Variants in CFDP1 observed in about 807,000 individuals in gnomAD.
CFDP1 encodes chromatin remodeling protein CFDP1, also known as heterochromatin-stabilizing protein CFDP1.
CFDP1 carries 31 observed loss-of-function variants against 40.1 expected under a neutral mutation model. The ratio of observed to expected loss-of-function variants is 0.77; its 90% confidence interval spans 0.58 to 1.04. The LOEUF (loss-of-function observed/expected upper bound fraction) is 1.04, where lower values mean the gene tolerates loss of function less well. CFDP1 is among the 50% of genes least tolerant of loss of function. CFDP1 has a pLI of 0.00. For missense variants in CFDP1, 423 were observed against 343.4 expected (o/e 1.23, Z -1.83); for synonymous variants, 167 against 120.0 (o/e 1.39, Z -2.56).
rs1001426318 is a variant in CFDP1 at position 75,419,029 on chromosome 16, T to G, written c.65-4334A>C. 2.0e-5 allele frequency: 8 copies of G among 394,210 alleles called. No individual in the cohort carries two copies. In the East Asian group the frequency reaches 6.2e-4, roughly 31 times the overall value. The allele number at this position is 394,210 out of a possible 1,614,324, so 24.4% of individuals were successfully genotyped here. ...ATGGTGGCACGCACCTGTAGTTCCA[T>G]CTACTGGGGAGGCTGAGGCAGGAGG... On this transcript the variant is annotated intron_variant, in intron 1 of 6. Transcript: ENST00000283882.
At chr16:75,335,205 G>C (rs2078478046) in intron 5 of CFDP1, among the ~76,000 whole-genome samples, 1 of 152,140 alleles carries the variant, frequency 6.6e-6, no homozygotes, top group African/African-American at 2.4e-5. Context: ...AACGCCCTGA[G>C]GTATCTTGAT....
chr16:75,381,771 A>G (rs148796602), intron 5 of CFDP1, among the ~76,000 whole-genome samples: 1 of 152,284 alleles, frequency 6.6e-6, no homozygotes, highest in East Asian at 1.9e-4. Context: ...GCAAGCAGCA[A>G]GAGATATGGG....
intron 4 of CFDP1, among the ~76,000 whole-genome samples, chr16:75,400,595 C>T (rs533510787): frequency 6.6e-6 from 1 of 152,110 alleles, no homozygotes; most frequent in Non-Finnish European, 1.5e-5. Flanking sequence ...TCCAGCAGAA[C>T]CCATTACTCT....
chr16:75,337,923 A>G (rs2078500958), intron 5 of CFDP1, among the ~76,000 whole-genome samples: 1 of 152,154 alleles, frequency 6.6e-6, no homozygotes, highest in Non-Finnish European at 1.5e-5. Context: ...CCTCTCTTTC[A>G]AGTGACTTCA....
chr16:75,311,842 C>G (rs1469527631), intron 5 of CFDP1, among the ~76,000 whole-genome samples: 1 of 150,468 alleles, frequency 6.6e-6, no homozygotes, highest in African/African-American at 2.5e-5. Context: ...TGGGCTCAAG[C>G]AATCCTCCTG....
chr16:75,413,807 T>C (rs1341202365), intron 2 of CFDP1, among the ~76,000 whole-genome samples: 1 of 152,218 alleles, frequency 6.6e-6, no homozygotes, highest in Non-Finnish European at 1.5e-5. Context: ...TTCATAATTT[T>C]CATGGGAAAA....
chr16:75,297,968 C>T (rs994966150), intron 6 of CFDP1, among the ~76,000 whole-genome samples: 28 of 152,278 alleles, frequency 1.8e-4, no homozygotes, highest in African/African-American at 6.3e-4. Flanking sequence ...CTGAAGTCCT[C>T]CAAAACCAGA....
intron 5 of CFDP1, among the ~76,000 whole-genome samples, chr16:75,377,596 T>G (rs939655629): frequency 1.3e-5 from 2 of 152,144 alleles, no homozygotes; most frequent in African/African-American, 2.4e-5. Context: ...AGAGAAGATA[T>G]GAAAAAGACT....
chr16:75,408,127 G>T (rs1033957686), intron 4 of CFDP1, among the ~76,000 whole-genome samples: 1 of 151,432 alleles, frequency 6.6e-6, no homozygotes, highest in Admixed American at 6.6e-5. Context: ...AGGAAGGAAG[G>T]GAGAGAGGGA....
chr16:75,433,477 G>C lies in CFDP1; in HGVS notation c.-125C>G. On this transcript the variant is annotated 5_prime_UTR_variant, in exon 1 of 7. Coordinates refer to ENST00000283882, the MANE Select transcript of CFDP1 (RefSeq NM_006324.3). The stretch of plus-strand genomic sequence containing the variant: ...GGCAGCTAGGGCGGCCCCCGACAGC[G>C]CTTTGCACATGCGCAGAGAGTACTA... 2.4e-6 allele frequency: 2 copies of C among 832,416 alleles called. No homozygotes were observed. The highest frequency in any genetic ancestry group is 3.9e-6 in the Non-Finnish European group (2 of 515,626). The allele number at this position is 832,416 out of a possible 1,614,324, so 51.6% of individuals were successfully genotyped here.
intron 5 of CFDP1, among the ~76,000 whole-genome samples, chr16:75,389,722 T>C (rs1009039803): frequency 5.9e-5 from 9 of 152,328 alleles, no homozygotes; most frequent in Non-Finnish European, 1.0e-4. Flanking sequence ...TTTTAAAATA[T>C]TAGATTATTC....
chr16:75,399,740 G>C (rs9745455), intron 4 of CFDP1, among the ~76,000 whole-genome samples: 30,852 of 152,006 alleles, frequency 0.2, 3,336 homozygotes, highest in African/African-American at 0.26. Context: ...CCAGCACTTT[G>C]GGAGGCCAAG....
chr16:75,296,388 C>G (rs1202298888), intron 6 of CFDP1, among the ~76,000 whole-genome samples: 1 of 152,124 alleles, frequency 6.6e-6, no homozygotes, highest in Admixed American at 6.5e-5. Flanking sequence ...CAGGCACACA[C>G]CACCACACCT....
At chr16:75,363,151 C>G (rs2078691135) in intron 5 of CFDP1, 3 of 151,828 alleles carry the variant, frequency 2.0e-5, no homozygotes, top group Admixed American at 2.0e-4. Flanking sequence ...TTTGACAAAT[C>G]CAACATGGTC....
intron 5 of CFDP1, among the ~76,000 whole-genome samples, chr16:75,317,179 G>T (rs1439768164): frequency 1.3e-5 from 2 of 152,180 alleles, no homozygotes; most frequent in African/African-American, 2.4e-5. Flanking sequence ...CTGGTGCCTG[G>T]TACGCATGAG....
chr16:75,363,771 C>T (rs1567657682), intron 5 of CFDP1, among the ~76,000 whole-genome samples: 1 of 152,162 alleles, frequency 6.6e-6, no homozygotes, highest in South Asian at 2.1e-4. Context: ...AACTGGTCAG[C>T]ACTGACATAG....
At chr16:75,311,453 T>C (rs1183097422) in intron 5 of CFDP1, among the ~76,000 whole-genome samples, 6 of 152,200 alleles carry the variant, frequency 3.9e-5, no homozygotes, top group East Asian at 1.9e-4. Context: ...ACATTTTTAA[T>C]GTACTAAATC....
intron 5 of CFDP1, among the ~76,000 whole-genome samples, chr16:75,333,224 C>T (rs909987546): frequency 2.0e-5 from 3 of 151,384 alleles, no homozygotes; most frequent in East Asian, 2.0e-4. Context: ...CCCAGGTTCA[C>T]GCCATTCTCC....
At chr16:75,300,275 C>T (rs182400701) in intron 6 of CFDP1, among the ~76,000 whole-genome samples, 1 of 152,048 alleles carries the variant, frequency 6.6e-6, no homozygotes, top group Non-Finnish European at 1.5e-5. Flanking sequence ...GACAGGAAAT[C>T]AAGGATGAAG....
Sources: gnomAD v4.1 joint callset for allele counts (sites outside exome capture counted in the v4.1 genomes callset) on GRCh38, gnomAD v4.1.1 for gene constraint, MANE v1.5 for transcripts, NCBI Gene and HGNC (gene_info 2026-07-23, HGNC 2026-07-21) for gene names.